The following ZNF346 variants were observed in gnomAD, a reference collection of about 807,000 sequenced individuals.
ZNF346 encodes double-stranded RNA-binding zinc finger protein JAZ.
Under a neutral mutation model 33.7 loss-of-function variants are expected in ZNF346, and 23 were observed. The observed-to-expected ratio is 0.68, with a 90% CI of 0.49 to 0.97. The LOEUF is 0.97. Ranked by LOEUF, ZNF346 falls within the 50% of genes least tolerant of loss-of-function variation. The pLI is 0.00. For synonymous variants in ZNF346, 134 were observed against 142.4 expected, an observed-to-expected ratio of 0.94 and a Z score of 0.42; for missense variants, 340 against 371.1, an observed-to-expected ratio of 0.92 and a Z score of 0.69.
intron 6 of ZNF346, 27 bp from the exon 7 acceptor site, chr5:177,064,470 GCCACACACTGACCCT>G: frequency 6.6e-7 from 1 of 1,516,232 alleles, no homozygotes; most frequent in Non-Finnish European, 9.2e-7. Context: ...CAATACAGCT[GCCACACACTGACCCT>G]CTTCCTTTGT....
At chr5:177,028,575 T>G (rs566392240) in intron 1 of ZNF346, among the ~76,000 whole-genome samples, 1 of 142,764 alleles carries the variant, frequency 7.0e-6, no homozygotes, top group African/African-American at 2.6e-5. Flanking sequence ...CTTTCCTCAG[T>G]GACTAAAGCA....
intron 8 of ZNF346, among the ~76,000 whole-genome samples, chr5:177,076,096 T>G (rs1263082302): frequency 6.6e-6 from 1 of 152,250 alleles, no homozygotes; most frequent in African/African-American, 2.4e-5. Flanking sequence ...ATTATAGGCG[T>G]GAGCCACTGT....
intron 1 of ZNF346, among the ~76,000 whole-genome samples, chr5:177,032,872 A>G (rs934951150): frequency 6.6e-6 from 1 of 152,198 alleles, no homozygotes; most frequent in Non-Finnish European, 1.5e-5. Flanking sequence ...CCTAGGCAAC[A>G]TAATGAGACT....
In ZNF346 at chr5:177,066,397, T is replaced by C. The variant is rs1022796097; in HGVS notation, c.*1798T>C. Among the ~76,000 whole-genome samples the C allele has an allele frequency of 1.3e-5, 2 of 151,982 alleles. No individual in the cohort carries two copies. The highest frequency in any genetic ancestry group is 2.9e-5 in the Non-Finnish European group (2 of 68,012). On this transcript the variant is annotated 3_prime_UTR_variant, in exon 7 of 7. Transcript: ENST00000358149. Reference sequence around the variant, plus strand: ...AGACCCAGCCTTATTCATCTCTACTTCCTGATGTCCATAGTGGTGTGTCAT... The same window carrying C: ...AGACCCAGCCTTATTCATCTCTACTCCCTGATGTCCATAGTGGTGTGTCAT...
chr5:177,046,754 T>C (rs7728041), intron 4 of ZNF346, among the ~76,000 whole-genome samples: 21,424 of 152,176 alleles, frequency 0.14, 3,214 homozygotes, highest in African/African-American at 0.38. Context: ...TATATCTGTG[T>C]GTATATTCGT....
At chr5:177,059,155 G>A (rs1425083980) in intron 5 of ZNF346, among the ~76,000 whole-genome samples, 1 of 152,292 alleles carries the variant, frequency 6.6e-6, no homozygotes, top group South Asian at 2.1e-4. Context: ...ATAGTCCAGG[G>A]CTTGGGCTAG....
chr5:177,043,902 G>C (rs1779701400), intron 3 of ZNF346, among the ~76,000 whole-genome samples: 1 of 152,194 alleles, frequency 6.6e-6, no homozygotes, highest in Non-Finnish European at 1.5e-5. Context: ...TGAGTTCACA[G>C]AAAAGTCTCC....
chr5:177,039,814 T>C (rs2149624932), intron 1 of ZNF346, among the ~76,000 whole-genome samples: 1 of 152,198 alleles, frequency 6.6e-6, no homozygotes, highest in East Asian at 1.9e-4. Context: ...AGATTAAAAA[T>C]GTGGGCCTGC....
chr5:177,066,379 G>A lies in ZNF346; in HGVS notation c.*1780G>A, dbSNP rs1431223343. ...GCTAATCACTTAGGGCAGAGACCCA[G>A]CCTTATTCATCTCTACTTCCTGATG... On this transcript the variant is annotated 3_prime_UTR_variant, in exon 7 of 7. Transcript: ENST00000358149. Among the ~76,000 whole-genome samples the A allele has an allele frequency of 6.6e-6, 1 of 151,976 alleles. No homozygotes were observed. The highest frequency in any genetic ancestry group is 1.5e-5 in the Non-Finnish European group (1 of 68,004).
chr5:177,072,982 C>A (rs1783576233), downstream of ZNF346, among the ~76,000 whole-genome samples: 1 of 152,240 alleles, frequency 6.6e-6, no homozygotes, highest in South Asian at 2.1e-4. Flanking sequence ...CCTTGTCAAC[C>A]TGGGGACCTC....
intron 1 of ZNF346, among the ~76,000 whole-genome samples, chr5:177,031,998 C>CTTTTTTTTTTTTTTTTTTTTTTTTTTT (rs34021834): frequency 5.9e-5 from 4 of 67,844 alleles, no homozygotes; most frequent in Non-Finnish European, 1.2e-4. Context: ...TTTCTTTTTT[C>CTTTTTTTTTTTTTTTTTTTTTTTTTTT]TTTTTTTTTT....
intron 1 of ZNF346, among the ~76,000 whole-genome samples, chr5:177,024,598 G>T (rs1776502632): frequency 6.6e-6 from 1 of 152,178 alleles, no homozygotes; most frequent in Non-Finnish European, 1.5e-5. Flanking sequence ...ACCCGGAACT[G>T]GTTGAGCTTC....
chr5:177,047,111 C>T (rs1033705913), intron 4 of ZNF346, among the ~76,000 whole-genome samples: 7 of 151,726 alleles, frequency 4.6e-5, no homozygotes, highest in East Asian at 1.9e-4. Flanking sequence ...TGCAGTGGCA[C>T]GATCTCGGCT....
At chr5:177,031,483 A>G (rs953446850) in intron 1 of ZNF346, among the ~76,000 whole-genome samples, 1 of 152,148 alleles carries the variant, frequency 6.6e-6, no homozygotes, top group Non-Finnish European at 1.5e-5. Flanking sequence ...GAATTATTTC[A>G]CTGTACATGA....
chr5:177,030,443 A>C (rs1422926311), intron 1 of ZNF346, among the ~76,000 whole-genome samples: 1 of 151,426 alleles, frequency 6.6e-6, no homozygotes, highest in Non-Finnish European at 1.5e-5. Flanking sequence ...ATATGGTGAA[A>C]CCCCCATCTC....
chr5:177,030,021 G>A (rs1777436105), intron 1 of ZNF346, among the ~76,000 whole-genome samples: 2 of 152,160 alleles, frequency 1.3e-5, no homozygotes, highest in Non-Finnish European at 2.9e-5. Context: ...CTTGGTTTCT[G>A]GGAGGAGAAA....
At position 177,078,686 on chromosome 5, in the gene ZNF346, C is replaced by T. The variant is rs533985830; in HGVS notation, c.*3-696C>T. ...CAGCACTTTGGGAGGCCAAGGCAGG[C>T]GGATCACTTGAGGCCAGGAGTTCGA... On this transcript the variant is annotated intron_variant, in intron 8 of 8. Coordinates refer to the ZNF346 transcript ENST00000503039. Among the ~76,000 whole-genome samples the T allele has an allele frequency of 1.9e-4, 29 of 152,032 alleles. No individual in the cohort carries two copies. The South Asian group carries it at 4.1e-3, about 22-fold the overall frequency.
At chr5:177,062,001 C>T (rs999018930) in intron 5 of ZNF346, 57 bp from the exon 6 acceptor site, 21 of 1,469,828 alleles carry the variant, frequency 1.4e-5, no homozygotes, top group Admixed American at 8.7e-5. Flanking sequence ...TGAAAAGCAA[C>T]GGTCTTCAGG....
At position 177,024,200 on chromosome 5, in the gene ZNF346, C is replaced by CTTTTTTTTTTT. The variant is rs781744965; in HGVS notation, c.175+1297_175+1307dup. Reference sequence around the variant, plus strand: ...CACACTATTTCTGGGGCCCTCTCTCCTTTTTTTTTTTTTTTTTTTTGAGAG... The same window carrying CTTTTTTTTTTT: ...CACACTATTTCTGGGGCCCTCTCTCCTTTTTTTTTTTTTTTTTTTTTTTTTTTTTTTGAGAG... On this transcript the variant is annotated intron_variant, in intron 1 of 6. Transcript: ENST00000358149. 6.9e-5 allele frequency among the ~76,000 whole-genome samples: 6 copies of CTTTTTTTTTTT among 86,900 alleles called. 2 individuals carry two copies. Among genetic ancestry groups the CTTTTTTTTTTT allele is most frequent in the Non-Finnish European group, 8.0e-5 (4 of 50,076 alleles). The allele number at this position is 86,900 out of a possible 152,430, so 57.0% of individuals were successfully genotyped here.
Sources: allele counts gnomAD v4.1 joint callset (sites outside exome capture counted in the v4.1 genomes callset), GRCh38; gene constraint gnomAD v4.1.1; transcripts MANE v1.5; gene names NCBI Gene and HGNC (gene_info 2026-07-23, HGNC 2026-07-21).